SH3GLB1: variants seen among roughly 807,000 people sequenced by gnomAD.
SH3GLB1 encodes the protein endophilin-B1.
Under a neutral mutation model 42.0 loss-of-function variants are expected in SH3GLB1, and 17 were observed. That is an observed-to-expected ratio of 0.40 (90% confidence interval 0.28 to 0.61). The LOEUF (loss-of-function observed/expected upper bound fraction) is 0.61. Among genes scored for constraint, SH3GLB1 ranks in the 20% least tolerant of loss-of-function variants. The pLI is 0.36. For missense variants in SH3GLB1, 355 were observed against 426.3 expected, an observed-to-expected ratio of 0.83 and a Z score of 1.47; for synonymous variants, 132 against 146.6, an observed-to-expected ratio of 0.90 and a Z score of 0.72.
At position 86,735,192 on chromosome 1, in the gene SH3GLB1, T is replaced by A. The variant is rs1655721230; in HGVS notation, c.761+13T>A. ...AACAACTGGGAAGGTGATAATTTAC[T>A]TTTCACATGTAAAGAGGAGAAATTC... On this transcript the variant is annotated intron_variant, in intron 7 of 8. Coordinates refer to ENST00000370558, the MANE Select transcript of SH3GLB1 (RefSeq NM_016009.5). The A allele has an allele frequency of 7.7e-6, 12 of 1,560,894 alleles. No individual in the cohort carries two copies. Among genetic ancestry groups the A allele is most frequent in the Non-Finnish European group, 1.1e-5 (12 of 1,132,478 alleles).
At chr1:86,736,453 G>T (rs1655787247) in intron 7 of SH3GLB1, among the ~76,000 whole-genome samples, 6 of 152,096 alleles carry the variant, frequency 3.9e-5, no homozygotes, top group Admixed American at 1.3e-4. Context: ...GAATATACAG[G>T]AGCATTTACA....
At chr1:86,730,893 TG>T (rs1285142451) in intron 5 of SH3GLB1, among the ~76,000 whole-genome samples, 20 of 152,358 alleles carry the variant, frequency 1.3e-4, no homozygotes, top group Non-Finnish European at 2.1e-4. Flanking sequence ...TCTGTAAAAA[TG>T]TATTTTACTG....
At chr1:86,737,170 A>AT (rs962911522) in intron 7 of SH3GLB1, among the ~76,000 whole-genome samples, 1 of 152,140 alleles carries the variant, frequency 6.6e-6, no homozygotes, top group Non-Finnish European at 1.5e-5. Flanking sequence ...AAGATTAGCA[A>AT]TTTTTTTAAT....
intron 7 of SH3GLB1, among the ~76,000 whole-genome samples, chr1:86,740,990 TAATATGATAA>T (rs1558339926): frequency 6.6e-6 from 1 of 152,114 alleles, no homozygotes; most frequent in African/African-American, 2.4e-5. Flanking sequence ...TGATAAAATG[TAATATGATAA>T]AATATGATAA....
At position 86,735,348 on chromosome 1, in the gene SH3GLB1, T is replaced by C. The variant is rs370192777; in HGVS notation, c.761+169T>C. Reference sequence around the variant, plus strand: ...AGTTTTCTGAGGTAACAGAATATTTTGAGCTTTTCTGGCACAGAGGCATGT... The same window carrying C: ...AGTTTTCTGAGGTAACAGAATATTTCGAGCTTTTCTGGCACAGAGGCATGT... On this transcript the variant is annotated intron_variant, in intron 7 of 8. Coordinates refer to ENST00000370558, the MANE Select transcript of SH3GLB1 (RefSeq NM_016009.5). Among the ~76,000 whole-genome samples the C allele has an allele frequency of 7.2e-5, 11 of 152,330 alleles. No individual in the cohort carries two copies. In the East Asian group the frequency reaches 2.1e-3, roughly 29 times the overall value.
chr1:86,739,155 T>TG (rs1655933109), intron 7 of SH3GLB1, among the ~76,000 whole-genome samples: 1 of 152,162 alleles, frequency 6.6e-6, no homozygotes, highest in Non-Finnish European at 1.5e-5. Context: ...GGACTTGGAT[T>TG]GGGGGCAGGG....
intron 7 of SH3GLB1, among the ~76,000 whole-genome samples, chr1:86,735,440 T>C (rs890002456): frequency 2.6e-5 from 4 of 152,306 alleles, no homozygotes; most frequent in African/African-American, 9.6e-5. Context: ...CAAGTTCACT[T>C]TTCTCCTGCT....
intron 1 of SH3GLB1, among the ~76,000 whole-genome samples, chr1:86,712,562 A>AG (rs1285078518): frequency 6.6e-6 from 1 of 152,188 alleles, no homozygotes; most frequent in Non-Finnish European, 1.5e-5. Flanking sequence ...TAGAATGCAC[A>AG]GCTTAGTTAA....
intron 5 of SH3GLB1, among the ~76,000 whole-genome samples, chr1:86,725,306 G>A (rs1327647958): frequency 1.3e-5 from 2 of 151,984 alleles, no homozygotes; most frequent in East Asian, 1.9e-4. Flanking sequence ...GGACTTTCAG[G>A]CAACGATGTT....
At chr1:86,735,042 T>C (rs1051982122) in intron 6 of SH3GLB1, 37 bp from the exon 7 acceptor site, 1 of 1,503,850 alleles carries the variant, frequency 6.6e-7, no homozygotes, top group East Asian at 2.3e-5. Flanking sequence ...TTAAGTTGAC[T>C]ATACAGCTAA....
intron 7 of SH3GLB1, among the ~76,000 whole-genome samples, chr1:86,740,692 G>A (rs1433133925): frequency 3.3e-5 from 5 of 152,160 alleles, no homozygotes; most frequent in Non-Finnish European, 7.3e-5. Context: ...GTGACTGTGG[G>A]AATAGGTGGC....
intron 2 of SH3GLB1, among the ~76,000 whole-genome samples, chr1:86,717,702 G>A (rs1207654782): frequency 6.6e-6 from 1 of 152,126 alleles, no homozygotes; most frequent in African/African-American, 2.4e-5. Flanking sequence ...GATTACACGT[G>A]TGAGCCACCA....
At chr1:86,724,912 T>A (rs868145099) in intron 5 of SH3GLB1, among the ~76,000 whole-genome samples, 38 of 123,090 alleles carry the variant, frequency 3.1e-4, no homozygotes, top group African/African-American at 9.4e-4. Context: ...TATATATATA[T>A]AAAATATATA....
chr1:86,730,388 G>A, intron 5 of SH3GLB1: 5 of 985,048 alleles, frequency 5.1e-6, no homozygotes, highest in Non-Finnish European at 4.8e-6. Context: ...ACTATAGAAG[G>A]CAGGCGAAAT....
chr1:86,718,793 TTTTG>T (rs2101934419), intron 2 of SH3GLB1, among the ~76,000 whole-genome samples: 1 of 152,370 alleles, frequency 6.6e-6, no homozygotes, highest in African/African-American at 2.4e-5. Context: ...TTTATTCAGC[TTTTG>T]TTTTTTTCCC....
intron 5 of SH3GLB1, among the ~76,000 whole-genome samples, chr1:86,727,321 G>A (rs1655252940): frequency 1.3e-5 from 2 of 151,850 alleles, no homozygotes; most frequent in East Asian, 3.8e-4. Context: ...CAGAAAGAAA[G>A]CCCACTTTAA....
intron 7 of SH3GLB1, among the ~76,000 whole-genome samples, chr1:86,739,097 C>T (rs1161713632): frequency 2.6e-5 from 4 of 152,170 alleles, no homozygotes; most frequent in Non-Finnish European, 5.9e-5. Flanking sequence ...TTTGAGATGT[C>T]TCTTAAACAT....
chr1:86,725,082 A>T (rs1655123882), intron 5 of SH3GLB1, among the ~76,000 whole-genome samples: 1 of 150,330 alleles, frequency 6.7e-6, no homozygotes, highest in African/African-American at 2.4e-5. Context: ...CATTTTTTTT[A>T]AATATCGTCA....
Position 86,747,795 on chromosome 1 carries a change from C to T in SH3GLB1, c.*4560C>T, listed in dbSNP as rs541624317. On this transcript the variant is annotated 3_prime_UTR_variant, in exon 9 of 9. Transcript: ENST00000370558. The stretch of plus-strand genomic sequence containing the variant: ...GTGCCTCTTAGATTGCTAAGTTCTG[C>T]TCTCATTCTTACTTCAAAGGACACT... 6.6e-6 allele frequency: 1 copy of T among 152,354 alleles called. No individual in the cohort carries two copies. The highest frequency in any genetic ancestry group is 2.1e-4 in the South Asian group (1 of 4,832). The allele number at this position is 152,354 out of a possible 1,614,324, so 9.4% of individuals were successfully genotyped here. A position where few individuals can be genotyped will look rare whatever the true frequency, so the allele number is the denominator to read the frequency against.
Sources: gnomAD v4.1 joint callset for allele counts (sites outside exome capture counted in the v4.1 genomes callset) on GRCh38, gnomAD v4.1.1 for gene constraint, MANE v1.5 for transcripts, NCBI Gene and HGNC (gene_info 2026-07-23, HGNC 2026-07-21) for gene names.